ELOVL5: variants seen among roughly 807,000 people sequenced by gnomAD.
ELOVL5 encodes the protein ELOVL fatty acid elongase 5.
ELOVL5 carries 8 observed loss-of-function variants against 38.6 expected under a neutral mutation model. The observed-to-expected ratio is 0.21, with a 90% CI of 0.12 to 0.37. The LOEUF (loss-of-function observed/expected upper bound fraction) is 0.37, where lower values mean the gene tolerates loss of function less well. Ranked by LOEUF, ELOVL5 falls within the 10% of genes least tolerant of loss-of-function variation. The pLI is 1.00. For missense variants in ELOVL5, 280 were observed against 367.8 expected, an observed-to-expected ratio of 0.76 and a Z score of 1.95; for synonymous variants, 127 against 133.7, an observed-to-expected ratio of 0.95 and a Z score of 0.34.
intron 1 of ELOVL5, among the ~76,000 whole-genome samples, chr6:53,297,943 C>G (rs1767080322): frequency 6.6e-6 from 1 of 152,132 alleles, no homozygotes; most frequent in Non-Finnish European, 1.5e-5. Flanking sequence ...GAGAATTCCT[C>G]TTTAAAACAC....
intron 1 of ELOVL5, among the ~76,000 whole-genome samples, chr6:53,325,452 T>C (rs9370196): frequency 0.36 from 55,305 of 152,092 alleles, 11,179 homozygotes; most frequent in African/African-American, 0.55. Context: ...CTGTAGATAT[T>C]TATGCCTGTC....
chr6:53,326,886 C>T (rs1002833639), intron 1 of ELOVL5, among the ~76,000 whole-genome samples: 3 of 152,162 alleles, frequency 2.0e-5, no homozygotes, highest in Non-Finnish European at 4.4e-5. Flanking sequence ...TCACAACAGG[C>T]GCTTGGCACC....
chr6:53,315,380 T>G (rs1767987987), intron 1 of ELOVL5, among the ~76,000 whole-genome samples: 1 of 151,982 alleles, frequency 6.6e-6, no homozygotes, highest in Admixed American at 6.6e-5. Context: ...GAATTGAGAG[T>G]GGGGGGACAC....
chr6:53,346,219 T>C (rs542799805), intron 1 of ELOVL5, among the ~76,000 whole-genome samples: 4 of 152,224 alleles, frequency 2.6e-5, no homozygotes, highest in Admixed American at 1.3e-4. Context: ...GCTTCATCCA[T>C]GTCCCTGCAA....
intron 1 of ELOVL5, among the ~76,000 whole-genome samples, chr6:53,325,982 G>T (rs909683226): frequency 3.3e-5 from 5 of 152,206 alleles, no homozygotes; most frequent in Non-Finnish European, 5.9e-5. Flanking sequence ...AAGACTTCAT[G>T]CAAGTGGCAT....
chr6:53,343,030 G>T (rs1407956055), intron 1 of ELOVL5, among the ~76,000 whole-genome samples: 1 of 152,230 alleles, frequency 6.6e-6, no homozygotes, highest in Non-Finnish European at 1.5e-5. Context: ...ACATTTACGG[G>T]TTGAAACTGG....
At chr6:53,278,873 A>G (rs964192726) in intron 3 of ELOVL5, among the ~76,000 whole-genome samples, 2 of 152,174 alleles carry the variant, frequency 1.3e-5, no homozygotes, top group African/African-American at 4.8e-5. Flanking sequence ...GTGAGTCATC[A>G]TTGCCTTCAG....
At chr6:53,333,020 G>A (rs1768875252) in intron 1 of ELOVL5, among the ~76,000 whole-genome samples, 1 of 152,172 alleles carries the variant, frequency 6.6e-6, no homozygotes, top group African/African-American at 2.4e-5. Context: ...AAGGTAGGGA[G>A]AAAATTACAT....
At chr6:53,287,841 T>A (rs143454588) in intron 3 of ELOVL5, 1 of 1,532,804 alleles carries the variant, frequency 6.5e-7, no homozygotes. Context: ...TTCAAAGCCA[T>A]GTGCACTGCA....
rs145203225 is a variant in ELOVL5, at chr6:53,299,792, G to A, written c.-8-4085C>T. ...AAATGTGTTCTCTACAAAAGCACACGCAAGAAACGATTTTTGTCAGAAACG... is the reference window on the plus strand; with the variant it reads ...AAATGTGTTCTCTACAAAAGCACACACAAGAAACGATTTTTGTCAGAAACG... On this transcript the variant is annotated intron_variant, in intron 1 of 7. Coordinates refer to ENST00000304434, the MANE Select transcript of ELOVL5 (RefSeq NM_021814.5). 3.9e-5 allele frequency among the ~76,000 whole-genome samples: 6 copies of A among 152,218 alleles called. No individual in the cohort carries two copies. The East Asian group carries it at 9.6e-4, about 24-fold the overall frequency.
chr6:53,294,409 T>A, intron 2 of ELOVL5: 1 of 1,551,442 alleles, frequency 6.4e-7, no homozygotes, highest in Non-Finnish European at 8.7e-7. Flanking sequence ...CTTCTTCCTC[T>A]GAATGTGCTG....
Position 53,268,981 on chromosome 6 carries a change from G to C in ELOVL5, c.*146C>G, listed in dbSNP as rs1765826543. On this transcript the variant is annotated 3_prime_UTR_variant, in exon 8 of 8. Coordinates refer to ENST00000304434, the MANE Select transcript of ELOVL5 (RefSeq NM_021814.5). ...ATATAATCTGTATACGTTTTCTAGG[G>C]GTTTTGAATTGATGAAAGAAGTCCT... 1 of 886,764 alleles carries C rather than the reference G, an allele frequency of 1.1e-6. No homozygotes were observed. Among genetic ancestry groups the C allele is most frequent in the South Asian group, 1.8e-5 (1 of 55,410 alleles). 54.9% of individuals were successfully genotyped at this position (886,764 alleles called of 1,614,324 possible). A position where few individuals can be genotyped will look rare whatever the true frequency, so the allele number is the denominator to read the frequency against.
intron 5 of ELOVL5, 75 bp downstream of exon 5, chr6:53,275,015 C>G (rs1766059041): frequency 7.0e-7 from 1 of 1,436,094 alleles, no homozygotes; most frequent in Middle Eastern, 2.5e-4. Context: ...GAAACAGCAC[C>G]TTTTCTGAAA....
chr6:53,305,724 G>T (rs1416075200), intron 1 of ELOVL5, among the ~76,000 whole-genome samples: 1 of 150,932 alleles, frequency 6.6e-6, no homozygotes, highest in African/African-American at 2.4e-5. Context: ...TCCAGACTGG[G>T]CAGCCAGGCA....
At chr6:53,317,822 A>T (rs182557123) in intron 1 of ELOVL5, among the ~76,000 whole-genome samples, 1 of 136,632 alleles carries the variant, frequency 7.3e-6, no homozygotes, top group African/African-American at 3.1e-5. Flanking sequence ...AAAAGATGAG[A>T]ACAAAAAAAA....
chr6:53,290,266 G>A (rs936204376), intron 3 of ELOVL5: 3 of 152,200 alleles, frequency 2.0e-5, no homozygotes, highest in Admixed American at 1.3e-4. Flanking sequence ...AAATGCTTAA[G>A]TTCTCTAAAA....
intron 7 of ELOVL5, 35 bp from the exon 8 acceptor site, chr6:53,269,305 C>CCACA (rs758798370): frequency 1.5e-6 from 2 of 1,347,160 alleles, no homozygotes; most frequent in African/African-American, 2.9e-5. Flanking sequence ...AACCAAATGA[C>CCACA]CACAGTTTTC....
intron 1 of ELOVL5, among the ~76,000 whole-genome samples, chr6:53,305,420 C>T (rs1225648192): frequency 6.7e-6 from 1 of 150,184 alleles, no homozygotes; most frequent in Non-Finnish European, 1.5e-5. Flanking sequence ...GGCTGCCGGG[C>T]GGAGACGCTC....
At chr6:53,275,848 G>A (rs1321671896) in intron 4 of ELOVL5, among the ~76,000 whole-genome samples, 1 of 152,060 alleles carries the variant, frequency 6.6e-6, no homozygotes, top group African/African-American at 2.4e-5. Flanking sequence ...ACCACTACTC[G>A]GAAAAAAGTA....
Sources: gnomAD v4.1 joint callset for allele counts (sites outside exome capture counted in the v4.1 genomes callset) on GRCh38, gnomAD v4.1.1 for gene constraint, MANE v1.5 for transcripts, NCBI Gene and HGNC (gene_info 2026-07-23, HGNC 2026-07-21) for gene names.